EPHB1: variants seen among roughly 807,000 people sequenced by gnomAD.
EPHB1 encodes EPH receptor B1.
EPHB1 carries 30 observed loss-of-function variants against 94.4 expected under a neutral mutation model. The ratio of observed to expected loss-of-function variants is 0.32; its 90% CI spans 0.24 to 0.43. EPHB1 has a LOEUF of 0.43. EPHB1 is among the 20% of genes least tolerant of loss of function. The probability of loss-of-function intolerance (pLI) is 1.00; values close to 1 mark genes in which losing one functional copy is unlikely to be tolerated. For synonymous variants in EPHB1, 522 were observed against 489.1 expected (o/e 1.07, Z -0.89); for missense variants, 1,055 against 1,308.3 (o/e 0.81, Z 2.99).
intron 5 of EPHB1, among the ~76,000 whole-genome samples, chr3:135,153,137 G>A (rs1238393317): frequency 2.0e-5 from 3 of 152,160 alleles, no homozygotes; most frequent in African/African-American, 4.8e-5. Flanking sequence ...TAAATTCCAG[G>A]TCTTTGAGGG....
At chr3:134,967,006 G>A (rs1219559475) in intron 3 of EPHB1, among the ~76,000 whole-genome samples, 1 of 152,206 alleles carries the variant, frequency 6.6e-6, no homozygotes, top group African/African-American at 2.4e-5. Context: ...GAGCTGCCTT[G>A]TCCTTTATTC....
chr3:134,821,124 A>G (rs2036372412), intron 1 of EPHB1, among the ~76,000 whole-genome samples: 1 of 152,194 alleles, frequency 6.6e-6, no homozygotes, highest in Non-Finnish European at 1.5e-5. Context: ...CAAAGGTAGG[A>G]AAAAAGCTGA....
intron 2 of EPHB1, among the ~76,000 whole-genome samples, chr3:134,934,844 A>G (rs1184217569): frequency 6.6e-6 from 1 of 152,148 alleles, no homozygotes; most frequent in African/African-American, 2.4e-5. Context: ...TCATAGACTC[A>G]TTCATCAACA....
intron 3 of EPHB1, among the ~76,000 whole-genome samples, chr3:135,022,719 A>G (rs1936026549): frequency 6.6e-6 from 1 of 152,160 alleles, no homozygotes; most frequent in Non-Finnish European, 1.5e-5. Context: ...CCCCTTCCTT[A>G]TTACTTGTGT....
intron 1 of EPHB1, among the ~76,000 whole-genome samples, chr3:134,906,807 C>G (rs1284876449): frequency 6.6e-6 from 1 of 152,204 alleles, no homozygotes; most frequent in Non-Finnish European, 1.5e-5. Flanking sequence ...AGGACTTTAC[C>G]TAGACCTGTG....
chr3:134,915,283 G>T (rs2038542086), intron 1 of EPHB1, among the ~76,000 whole-genome samples: 1 of 152,192 alleles, frequency 6.6e-6, no homozygotes. Flanking sequence ...TCATACTAGA[G>T]TATGACGGAC....
intron 1 of EPHB1, among the ~76,000 whole-genome samples, chr3:134,804,780 G>C (rs999609732): frequency 6.6e-6 from 1 of 152,166 alleles, no homozygotes; most frequent in Non-Finnish European, 1.5e-5. Context: ...ATCAGAGGAG[G>C]ACACTAGGAT....
intron 1 of EPHB1, among the ~76,000 whole-genome samples, chr3:134,804,853 C>T (rs2036006658): frequency 6.6e-6 from 1 of 152,212 alleles, no homozygotes; most frequent in Non-Finnish European, 1.5e-5. Flanking sequence ...AATCCCTCAG[C>T]ATCCTAGTCC....
chr3:134,834,745 C>A (rs34201825), intron 1 of EPHB1, among the ~76,000 whole-genome samples: 48,194 of 151,972 alleles, frequency 0.32, 8,771 homozygotes, highest in South Asian at 0.5. Flanking sequence ...ACAGTGTTGG[C>A]TGTCACCGGC....
chr3:135,239,097 C>T (rs894612922), intron 12 of EPHB1, among the ~76,000 whole-genome samples: 3 of 152,182 alleles, frequency 2.0e-5, no homozygotes, highest in African/African-American at 4.8e-5. Context: ...AGGCATTTGT[C>T]GTGTAGCTGG....
At chr3:134,899,386 G>A (rs533872084) in intron 1 of EPHB1, among the ~76,000 whole-genome samples, 1 of 152,094 alleles carries the variant, frequency 6.6e-6, no homozygotes, top group Non-Finnish European at 1.5e-5. Context: ...TGGGCAGCTT[G>A]TTGACCCCCC....
At chr3:135,032,243 TA>T (rs776990780) in intron 3 of EPHB1, among the ~76,000 whole-genome samples, 2 of 151,466 alleles carry the variant, frequency 1.3e-5, no homozygotes, top group Non-Finnish European at 2.9e-5. Context: ...TGGATTCTTT[TA>T]TTTTTTTTTT....
At chr3:134,795,916 C>T (rs1309768277) in intron 1 of EPHB1, among the ~76,000 whole-genome samples, 1 of 152,232 alleles carries the variant, frequency 6.6e-6, no homozygotes, top group Non-Finnish European at 1.5e-5. Flanking sequence ...TCGCGAGTCC[C>T]CCGGCTTCCT....
chr3:134,839,323 A>T (rs1426827641), intron 1 of EPHB1, among the ~76,000 whole-genome samples: 1 of 152,024 alleles, frequency 6.6e-6, no homozygotes, highest in Non-Finnish European at 1.5e-5. Context: ...GCTTATTTCC[A>T]TGTAGTTGTT....
At chr3:135,068,649 T>A (rs1937618134) in intron 3 of EPHB1, among the ~76,000 whole-genome samples, 1 of 146,790 alleles carries the variant, frequency 6.8e-6, no homozygotes, top group Non-Finnish European at 1.5e-5. Flanking sequence ...AGTTTTTAAT[T>A]TTTTTTTTTT....
chr3:135,041,270 C>G (rs1224831565), intron 3 of EPHB1, among the ~76,000 whole-genome samples: 1 of 152,184 alleles, frequency 6.6e-6, no homozygotes, highest in Non-Finnish European at 1.5e-5. Flanking sequence ...AGCCTTCCCC[C>G]AAACCATAAT....
At chr3:135,224,930 C>T (rs572344969) in intron 12 of EPHB1, among the ~76,000 whole-genome samples, 4 of 152,262 alleles carry the variant, frequency 2.6e-5, no homozygotes, top group South Asian at 2.1e-4. Flanking sequence ...GTTTCCAGGC[C>T]GCTGCTCCCT....
chr3:134,939,984 G>A (rs1035020596), intron 2 of EPHB1, among the ~76,000 whole-genome samples: 1 of 152,192 alleles, frequency 6.6e-6, no homozygotes, highest in East Asian at 1.9e-4. Context: ...GTCTGAGCTG[G>A]TGGCTGACAG....
intron 2 of EPHB1, among the ~76,000 whole-genome samples, chr3:134,941,213 G>A (rs565231979): frequency 6.6e-6 from 1 of 152,202 alleles, no homozygotes; most frequent in African/African-American, 2.4e-5. Flanking sequence ...TCTGTGCTTG[G>A]AATTGTCTTC....
Sources: gnomAD v4.1 joint callset for allele counts (sites outside exome capture counted in the v4.1 genomes callset) on GRCh38, gnomAD v4.1.1 for gene constraint, MANE v1.5 for transcripts, NCBI Gene and HGNC (gene_info 2026-07-23, HGNC 2026-07-21) for gene names.